Variants in FGF1 observed in about 807,000 individuals in gnomAD.
The protein encoded by FGF1 is fibroblast growth factor 1.
In FGF1, 9 loss-of-function variants were observed where a neutral mutation model predicts 13.4. That is an observed-to-expected ratio of 0.67 (90% CI 0.40 to 1.17). FGF1 has a LOEUF of 1.17. FGF1 is among the 50% of genes most tolerant of loss of function. The pLI, the probability that FGF1 is intolerant of heterozygous loss-of-function variation, is 0.01. For synonymous variants in FGF1, 93 were observed against 79.0 expected (o/e 1.18, Z -0.94); for missense variants, 156 against 192.7 (o/e 0.81, Z 1.13).
At chr5:142,612,419 G>A (rs566311954) in intron 2 of FGF1, among the ~76,000 whole-genome samples, 3 of 152,284 alleles carry the variant, frequency 2.0e-5, no homozygotes, top group Non-Finnish European at 4.4e-5. Flanking sequence ...TCTGAGGACC[G>A]GAGAGCATTC....
At chr5:142,620,205 A>G (rs74410917) in intron 1 of FGF1, among the ~76,000 whole-genome samples, 5 of 152,072 alleles carry the variant, frequency 3.3e-5, no homozygotes, top group African/African-American at 9.7e-5. Context: ...ATCACGAGGT[A>G]AGGAGATCGA....
chr5:142,596,035 G>T lies in FGF1; in HGVS notation c.274-551C>A, dbSNP rs565600802. Among the ~76,000 whole-genome samples the T allele has an allele frequency of 2.6e-5, 4 of 152,314 alleles. No homozygotes were observed. In the East Asian group the frequency reaches 5.8e-4, roughly 22 times the overall value. On this transcript the variant is annotated intron_variant, in intron 3 of 3. Transcript: ENST00000337706. ...TTTTATCCTGGTGATTTTCACTAAC[G>T]TCAGGATTTTACCTGAGTATTGTTA...
intron 1 of FGF1, among the ~76,000 whole-genome samples, chr5:142,652,848 G>T (rs1015359438): frequency 5.3e-5 from 8 of 152,230 alleles, no homozygotes; most frequent in African/African-American, 1.9e-4. Context: ...GGGCACATCT[G>T]CTCACTCACT....
At chr5:142,608,542 CTATATATATATATATATATATATA>C (rs369107817) in intron 2 of FGF1, among the ~76,000 whole-genome samples, 9 of 76,036 alleles carry the variant, frequency 1.2e-4, no homozygotes, top group South Asian at 5.3e-4. Context: ...ATATACACAT[CTATATATATATATATATATATATA>C]TATATATATA....
At chr5:142,679,277 C>T (rs369855636) in intron 1 of FGF1, among the ~76,000 whole-genome samples, 2 of 152,154 alleles carry the variant, frequency 1.3e-5, no homozygotes, top group African/African-American at 4.8e-5. Flanking sequence ...CACCAGGCAA[C>T]CTTTGTGCAT....
At chr5:142,679,502 T>C (rs1180550556) in intron 1 of FGF1, among the ~76,000 whole-genome samples, 5 of 152,166 alleles carry the variant, frequency 3.3e-5, no homozygotes, top group African/African-American at 9.7e-5. Flanking sequence ...TTCATGAAGG[T>C]GGGGGCTCTT....
chr5:142,683,907 G>T (rs758911812), intron 1 of FGF1, among the ~76,000 whole-genome samples: 2 of 148,988 alleles, frequency 1.3e-5, no homozygotes, highest in Non-Finnish European at 3.0e-5. Context: ...ATCTCCCCAT[G>T]ATCTTTTTAA....
At chr5:142,639,207 G>T (rs1020827357) in intron 1 of FGF1, among the ~76,000 whole-genome samples, 6 of 151,966 alleles carry the variant, frequency 3.9e-5, no homozygotes, top group Non-Finnish European at 1.5e-5. Context: ...ATCTCAAATA[G>T]ATATCTGCAC....
intron 1 of FGF1, among the ~76,000 whole-genome samples, chr5:142,675,073 G>A (rs533961787): frequency 1.2e-4 from 18 of 152,298 alleles, no homozygotes; most frequent in African/African-American, 4.3e-4. Context: ...TCAGGTCAAT[G>A]GGTCGTTAGA....
chr5:142,644,105 A>T (rs1765625636), intron 1 of FGF1: 1 of 152,200 alleles, frequency 6.6e-6, no homozygotes, highest in Non-Finnish European at 1.5e-5. Flanking sequence ...GCCTTAAAAC[A>T]TGCTTACCTG....
At chr5:142,679,345 G>A (rs896064884) in intron 1 of FGF1, among the ~76,000 whole-genome samples, 8 of 152,124 alleles carry the variant, frequency 5.3e-5, no homozygotes, top group South Asian at 2.1e-4. Flanking sequence ...CTGCTGATCC[G>A]TCAGACCTCA....
intron 2 of FGF1, among the ~76,000 whole-genome samples, chr5:142,613,114 T>C (rs370593336): frequency 3.9e-5 from 6 of 152,214 alleles, no homozygotes; most frequent in African/African-American, 1.4e-4. Flanking sequence ...GATCTGACTT[T>C]AGGCTTCTTT....
upstream of FGF1, among the ~76,000 whole-genome samples, chr5:142,687,230 T>C (rs1341631715): frequency 2.0e-5 from 3 of 152,132 alleles, no homozygotes; most frequent in Non-Finnish European, 4.4e-5. Flanking sequence ...AAATATGCTC[T>C]CCAGTCTCTA....
chr5:142,671,220 A>G (rs988421144), intron 1 of FGF1, among the ~76,000 whole-genome samples: 1 of 152,212 alleles, frequency 6.6e-6, no homozygotes, highest in East Asian at 1.9e-4. Flanking sequence ...TATATTCAAC[A>G]TGGTTCAGGA....
intron 1 of FGF1, 52 bp downstream of exon 1, chr5:142,685,905 A>AC (rs70991776): frequency 3.3e-5 from 5 of 150,230 alleles, no homozygotes; most frequent in Non-Finnish European, 5.9e-5. Context: ...ACACACACAC[A>AC]ACCTCAGCTA....
chr5:142,663,295 G>A (rs766083598), intron 1 of FGF1, among the ~76,000 whole-genome samples: 5 of 151,680 alleles, frequency 3.3e-5, no homozygotes, highest in Non-Finnish European at 5.9e-5. Context: ...CCAGCAGAAC[G>A]ATTTTACCAG....
At chr5:142,611,452 A>G (rs1759026077) in intron 2 of FGF1, among the ~76,000 whole-genome samples, 1 of 152,184 alleles carries the variant, frequency 6.6e-6, no homozygotes, top group Non-Finnish European at 1.5e-5. Flanking sequence ...AGACACTTCA[A>G]TTTCTAGTCA....
intron 1 of FGF1, among the ~76,000 whole-genome samples, chr5:142,622,959 G>A (rs887499835): frequency 3.3e-5 from 5 of 152,240 alleles, no homozygotes; most frequent in African/African-American, 1.2e-4. Flanking sequence ...ACAATGGTGT[G>A]CAGGAGACAG....
chr5:142,665,424 G>T (rs1306722089), intron 1 of FGF1, among the ~76,000 whole-genome samples: 1 of 151,910 alleles, frequency 6.6e-6, no homozygotes, highest in East Asian at 1.9e-4. Context: ...AAAAAGTACT[G>T]GCTCACTCCT....
Sources: gnomAD v4.1 joint callset for allele counts (sites outside exome capture counted in the v4.1 genomes callset) on GRCh38, gnomAD v4.1.1 for gene constraint, MANE v1.5 for transcripts, NCBI Gene and HGNC (gene_info 2026-07-23, HGNC 2026-07-21) for gene names.